Variants in YIPF1 observed in about 807,000 individuals in gnomAD.
The protein encoded by YIPF1 is Yip1 domain family member 1.
A neutral mutation model predicts 37.0 loss-of-function variants in YIPF1; 22 were observed. The ratio of observed to expected loss-of-function variants is 0.59; its 90% CI spans 0.42 to 0.85. The LOEUF (loss-of-function observed/expected upper bound fraction) is 0.85. Among genes scored for constraint, YIPF1 ranks in the 40% least tolerant of loss-of-function variants. The pLI is 0.00. For synonymous variants in YIPF1, 128 were observed against 131.9 expected (o/e 0.97, Z 0.21); for missense variants, 355 against 373.1 (o/e 0.95, Z 0.40).
chr1:53,861,680 G>A (rs1367285639), intron 9 of YIPF1, among the ~76,000 whole-genome samples: 2 of 141,266 alleles, frequency 1.4e-5, no homozygotes, highest in Non-Finnish European at 3.1e-5. Flanking sequence ...AAGGAAGGAA[G>A]GGAGAGAGAG....
At chr1:53,886,788 T>G (rs1650665047) in intron 3 of YIPF1, 1 of 151,992 alleles carries the variant, frequency 6.6e-6, no homozygotes, top group Non-Finnish European at 1.5e-5. Context: ...TCTTTAAACT[T>G]TCTTGCACTG....
chr1:53,852,749 G>A (rs899848358), intron 10 of YIPF1, among the ~76,000 whole-genome samples: 2 of 150,674 alleles, frequency 1.3e-5, no homozygotes, highest in African/African-American at 2.5e-5. Flanking sequence ...CAATGCAGGG[G>A]GTTTCAATTT....
chr1:53,870,847 T>TA (rs967704300), intron 7 of YIPF1, among the ~76,000 whole-genome samples: 7 of 151,198 alleles, frequency 4.6e-5, no homozygotes, highest in African/African-American at 1.5e-4. Context: ...CCTATCTCTA[T>TA]AAAAAAATAG....
At chr1:53,878,617 G>C (rs779886029) in intron 5 of YIPF1, 25 bp downstream of exon 5, 1 of 1,595,860 alleles carries the variant, frequency 6.3e-7, no homozygotes, top group South Asian at 1.1e-5. Context: ...ACCCGTAAAA[G>C]GAAAGGTGAA....
intron 6 of YIPF1, among the ~76,000 whole-genome samples, chr1:53,874,673 A>T (rs936824782): frequency 1.3e-5 from 2 of 152,130 alleles, no homozygotes; most frequent in African/African-American, 2.4e-5. Flanking sequence ...AGGCTGAGGC[A>T]GGAGAATCAC....
chr1:53,879,854 G>A (rs1650442480), intron 4 of YIPF1, among the ~76,000 whole-genome samples: 1 of 152,180 alleles, frequency 6.6e-6, no homozygotes, highest in Non-Finnish European at 1.5e-5. Flanking sequence ...GGACTGACTA[G>A]GCAAGTAGCT....
At chr1:53,871,528 A>G (rs775550693) in intron 6 of YIPF1, 40 bp from the exon 7 acceptor site, 46 of 1,463,130 alleles carry the variant, frequency 3.1e-5, no homozygotes, top group Non-Finnish European at 3.9e-5. Context: ...AAGAAAATGA[A>G]GCATAAGCCT....
intron 4 of YIPF1, among the ~76,000 whole-genome samples, chr1:53,880,278 G>A (rs1019027915): frequency 5.3e-5 from 8 of 151,892 alleles, no homozygotes; most frequent in African/African-American, 1.9e-4. Flanking sequence ...GGCAAGCAGA[G>A]GGCCAAATTA....
chr1:53,864,111 C>T (rs900524134), intron 9 of YIPF1, among the ~76,000 whole-genome samples: 11 of 152,146 alleles, frequency 7.2e-5, no homozygotes, highest in Non-Finnish European at 1.3e-4. Context: ...GCTCCTATTC[C>T]TTAGAGAAAT....
At chr1:53,867,500 G>A (rs1260469558) in intron 7 of YIPF1, among the ~76,000 whole-genome samples, 2 of 151,582 alleles carry the variant, frequency 1.3e-5, no homozygotes, top group African/African-American at 4.9e-5. Context: ...AGCCTCCCGA[G>A]TAGCTGGGAC....
chr1:53,865,796 CTTTT>C (rs2100726245), intron 9 of YIPF1, among the ~76,000 whole-genome samples: 1 of 151,454 alleles, frequency 6.6e-6, no homozygotes, highest in South Asian at 2.1e-4. Context: ...ATTTTTTTTT[CTTTT>C]GAGACAGGGT....
intron 10 of YIPF1, among the ~76,000 whole-genome samples, chr1:53,857,455 C>A (rs1649748769): frequency 6.6e-6 from 1 of 152,310 alleles, no homozygotes; most frequent in Non-Finnish European, 1.5e-5. Context: ...CAGCCAAAGG[C>A]TAGCAGTGAG....
intron 7 of YIPF1, 45 bp downstream of exon 7, chr1:53,871,327 G>A: frequency 6.4e-7 from 1 of 1,568,176 alleles, no homozygotes; most frequent in South Asian, 1.1e-5. Flanking sequence ...AGAACTCAAA[G>A]CTAGAAACTG....
chr1:53,853,083 G>A (rs1038427052), intron 10 of YIPF1, among the ~76,000 whole-genome samples: 1 of 152,098 alleles, frequency 6.6e-6, no homozygotes, highest in Non-Finnish European at 1.5e-5. Flanking sequence ...TGATGCTGAG[G>A]TTTCTATCTT....
chr1:53,878,964 C>T (rs1650409185), intron 4 of YIPF1, among the ~76,000 whole-genome samples: 1 of 152,164 alleles, frequency 6.6e-6, no homozygotes, highest in Non-Finnish European at 1.5e-5. Context: ...CTGAGGGGAG[C>T]TTTGGCAAAT....
chr1:53,860,065 T>C lies in YIPF1; in HGVS notation c.920A>G (p.Ter307=), dbSNP rs1002133213. 1 of 1,614,040 alleles carries C rather than the reference T, an allele frequency of 6.2e-7. No homozygotes were observed. Among genetic ancestry groups the C allele is most frequent in the South Asian group, 1.1e-5 (1 of 91,076 alleles). ...AAATAGAATCTCTTACTTTCCTCAT[T>C]AGCTGGACTTGGCTGCAGCAACTGT... The part of the protein sequence containing the change: ...NQTVAAAKSS[*] Residue 307 remains the stop codon, a stop_retained_variant, in exon 10 of 11, where the codon TAA becomes TGA. Transcript: ENST00000072644.
chr1:53,860,884 A>G (rs1569602884), intron 9 of YIPF1, among the ~76,000 whole-genome samples: 1 of 152,340 alleles, frequency 6.6e-6, no homozygotes, highest in Non-Finnish European at 1.5e-5. Context: ...GCCAAACTTG[A>G]GCCCAGGAAA....
At chr1:53,885,905 CT>C (rs1348158106) in intron 3 of YIPF1, among the ~76,000 whole-genome samples, 1 of 151,614 alleles carries the variant, frequency 6.6e-6, no homozygotes, top group Non-Finnish European at 1.5e-5. Flanking sequence ...GATGGACACC[CT>C]GTTTACCCTG....
At chr1:53,877,035 T>C (rs887879285) in intron 6 of YIPF1, among the ~76,000 whole-genome samples, 19 of 152,352 alleles carry the variant, frequency 1.2e-4, no homozygotes, top group East Asian at 1.2e-3. Context: ...TTCTTCCTCA[T>C]TGGGGCTAGG....
Sources: gnomAD v4.1 joint callset for allele counts (sites outside exome capture counted in the v4.1 genomes callset) on GRCh38, gnomAD v4.1.1 for gene constraint, MANE v1.5 for transcripts, NCBI Gene and HGNC (gene_info 2026-07-23, HGNC 2026-07-21) for gene names.